SLCO4C1: variants seen among roughly 807,000 people sequenced by gnomAD.
SLCO4C1 encodes organic anion transporter M1.
SLCO4C1 carries 58 observed loss-of-function variants against 72.1 expected under a neutral mutation model. The ratio of observed to expected loss-of-function variants is 0.80; its 90% CI spans 0.65 to 1.00. The LOEUF (loss-of-function observed/expected upper bound fraction) is 1.00, where lower values mean the gene tolerates loss of function less well. SLCO4C1 is among the 50% of genes least tolerant of loss of function. The pLI is 0.00. For synonymous variants in SLCO4C1, 297 were observed against 312.5 expected, an observed-to-expected ratio of 0.95 and a Z score of 0.52; for missense variants, 898 against 857.9, an observed-to-expected ratio of 1.05 and a Z score of -0.58.
At chr5:102,241,830 C>A (rs1336667799) in intron 10 of SLCO4C1, among the ~76,000 whole-genome samples, 1 of 150,548 alleles carries the variant, frequency 6.6e-6, no homozygotes, top group East Asian at 2.0e-4. Flanking sequence ...TGAAAAGCTC[C>A]AAGTTAATAA....
chr5:102,273,236 C>G (rs1749186210), intron 2 of SLCO4C1, among the ~76,000 whole-genome samples: 1 of 151,668 alleles, frequency 6.6e-6, no homozygotes, highest in East Asian at 1.9e-4. Context: ...CAGACAAAGG[C>G]AATCAAACAT....
At chr5:102,287,838 G>C (rs1490108008) in intron 2 of SLCO4C1, among the ~76,000 whole-genome samples, 1 of 152,106 alleles carries the variant, frequency 6.6e-6, no homozygotes, top group Non-Finnish European at 1.5e-5. Context: ...ACAGGCATGA[G>C]TCATTGCGCC....
At chr5:102,272,480 C>G (rs1749169545) in intron 2 of SLCO4C1, among the ~76,000 whole-genome samples, 1 of 151,942 alleles carries the variant, frequency 6.6e-6, no homozygotes, top group Non-Finnish European at 1.5e-5. Context: ...TAATTCACCT[C>G]ATTCAAAGTT....
intron 3 of SLCO4C1, among the ~76,000 whole-genome samples, chr5:102,264,547 A>G (rs1748999580): frequency 1.3e-5 from 2 of 152,052 alleles, no homozygotes; most frequent in South Asian, 2.1e-4. Flanking sequence ...GTGTCAATAC[A>G]TCTATACAAT....
intron 6 of SLCO4C1, among the ~76,000 whole-genome samples, 200 bp downstream of exon 6, chr5:102,260,013 C>T (rs1748904742): frequency 6.6e-6 from 1 of 151,412 alleles, no homozygotes; most frequent in Admixed American, 6.6e-5. Context: ...TGTGTGTTTG[C>T]ATGTGTGGGT....
intron 3 of SLCO4C1, among the ~76,000 whole-genome samples, chr5:102,266,756 C>T (rs1204312428): frequency 6.6e-6 from 1 of 152,154 alleles, no homozygotes; most frequent in Non-Finnish European, 1.5e-5. Context: ...ATAACGTTAG[C>T]TGTGGGTTTT....
intron 10 of SLCO4C1, among the ~76,000 whole-genome samples, chr5:102,241,508 A>C (rs906806757): frequency 6.6e-6 from 1 of 151,496 alleles, no homozygotes; most frequent in African/African-American, 2.4e-5. Flanking sequence ...AATAGCATTG[A>C]AAAAAAAATA....
chr5:102,255,549 A>G (rs564467137), intron 8 of SLCO4C1, among the ~76,000 whole-genome samples: 40 of 152,302 alleles, frequency 2.6e-4, no homozygotes, highest in African/African-American at 9.4e-4. Context: ...TTCTAGACAC[A>G]TAATCTAAGT....
intron 9 of SLCO4C1, 136 bp downstream of exon 9, chr5:102,249,502 G>A (rs1748696639): frequency 1.2e-6 from 1 of 804,400 alleles, no homozygotes; most frequent in South Asian, 1.7e-5. Flanking sequence ...TATTTCAGCT[G>A]GAGACATCAT....
At chr5:102,292,088 G>A (rs1749568451) in intron 1 of SLCO4C1, among the ~76,000 whole-genome samples, 2 of 152,118 alleles carry the variant, frequency 1.3e-5, no homozygotes, top group Non-Finnish European at 2.9e-5. Flanking sequence ...GACTCCCAAA[G>A]TGCTGGGATT....
In SLCO4C1 at chr5:102,291,413, T is replaced by G; in HGVS notation, c.549A>C (p.Gly183=). 6.2e-7 allele frequency: 1 copy of G among 1,614,102 alleles called. No homozygotes were observed. Among genetic ancestry groups the G allele is most frequent in the Non-Finnish European group, 8.5e-7 (1 of 1,180,020 alleles). Residue 183 remains glycine, a synonymous_variant, in exon 2 of 13, where the codon GGA becomes GGC. Transcript: ENST00000310954. ...GCAATGAGAATACAAGTGCTCCCAG[T>G]CCAATCATAAAGGCTGCAAATGCAA... ...RWLAFAAFMI[G]LGALVFSLPQ... is the part of the protein sequence containing the mutation.
At chr5:102,253,965 AT>A (rs1257880926) in intron 8 of SLCO4C1, among the ~76,000 whole-genome samples, 100 of 152,172 alleles carry the variant, frequency 6.6e-4, no homozygotes, top group South Asian at 2.5e-3. Context: ...ATATATATAT[AT>A]ATCCCCTGAT....
intron 8 of SLCO4C1, among the ~76,000 whole-genome samples, chr5:102,253,511 G>T (rs1748778581): frequency 1.3e-5 from 2 of 151,946 alleles, no homozygotes; most frequent in African/African-American, 4.8e-5. Flanking sequence ...TGGGGCAAGT[G>T]TTGAAAAACT....
chr5:102,265,282 G>C lies in SLCO4C1; in HGVS notation c.803-1502C>G, dbSNP rs147760886. ...GTTTTATAGGTTGTCTCTACAATCT[G>C]ATGATTGTTTCGTGTGCTGTGCAGC... On this transcript the variant is annotated intron_variant, in intron 3 of 12. Transcript: ENST00000310954. 2.9e-3 allele frequency among the ~76,000 whole-genome samples: 434 copies of C among 152,260 alleles called. 3 individuals are homozygous for C. Among genetic ancestry groups the C allele is most frequent in the African/African-American group, 9.8e-3 (409 of 41,566 alleles).
At chr5:102,261,347 G>C (rs935515682) in intron 5 of SLCO4C1, among the ~76,000 whole-genome samples, 2 of 152,116 alleles carry the variant, frequency 1.3e-5, no homozygotes, top group African/African-American at 4.8e-5. Flanking sequence ...GGGAGGCAGA[G>C]GTTGCAGTGA....
chr5:102,248,891 ACT>A (rs1459335259), intron 9 of SLCO4C1, among the ~76,000 whole-genome samples: 1 of 152,196 alleles, frequency 6.6e-6, no homozygotes, highest in Admixed American at 6.6e-5. Flanking sequence ...GTAAAATTGT[ACT>A]GAGTTCTTTT....
At chr5:102,249,897 A>T in intron 8 of SLCO4C1, 109 bp from the exon 9 acceptor site, 1 of 1,075,898 alleles carries the variant, frequency 9.3e-7, no homozygotes, top group Non-Finnish European at 1.3e-6. Flanking sequence ...CTCACTCAAC[A>T]CATAATTACT....
At chr5:102,245,785 C>T (rs1195886902) in intron 10 of SLCO4C1, among the ~76,000 whole-genome samples, 1 of 152,068 alleles carries the variant, frequency 6.6e-6, no homozygotes, top group Non-Finnish European at 1.5e-5. Flanking sequence ...ACTGACCATA[C>T]GTTAGGTTAC....
At chr5:102,249,344 C>T (rs1342458576) in intron 9 of SLCO4C1, among the ~76,000 whole-genome samples, 1 of 152,008 alleles carries the variant, frequency 6.6e-6, no homozygotes, top group African/African-American at 2.4e-5. Context: ...GGAACCCATC[C>T]CCCATGTATT....
Sources: allele counts gnomAD v4.1 joint callset (sites outside exome capture counted in the v4.1 genomes callset), GRCh38; gene constraint gnomAD v4.1.1; transcripts MANE v1.5; gene names NCBI Gene and HGNC (gene_info 2026-07-23, HGNC 2026-07-21).